Variants in EIF4G3 observed in about 807,000 individuals in gnomAD.
The protein encoded by EIF4G3 is eukaryotic translation initiation factor 4 gamma 3.
A neutral mutation model predicts 186.4 loss-of-function variants in EIF4G3; 34 were observed. The observed-to-expected ratio is 0.18, with a 90% confidence interval of 0.14 to 0.24. The LOEUF (loss-of-function observed/expected upper bound fraction) is 0.24. Ranked by LOEUF, EIF4G3 falls within the 10% of genes least tolerant of loss-of-function variation. EIF4G3 has a pLI of 1.00. For synonymous variants in EIF4G3, 673 were observed against 679.5 expected, an observed-to-expected ratio of 0.99 and a Z score of 0.15; for missense variants, 1,536 against 1,948.5, an observed-to-expected ratio of 0.79 and a Z score of 3.99.
intron 3 of EIF4G3, among the ~76,000 whole-genome samples, chr1:21,057,942 A>T (rs2094643806): frequency 6.6e-6 from 1 of 152,196 alleles, no homozygotes; most frequent in Non-Finnish European, 1.5e-5. Flanking sequence ...GTTGGTGACC[A>T]ATATTAACTT....
intron 2 of EIF4G3, among the ~76,000 whole-genome samples, chr1:21,135,829 C>T (rs1030263283): frequency 6.6e-6 from 1 of 152,192 alleles, no homozygotes; most frequent in Non-Finnish European, 1.5e-5. Context: ...AGAAAGACTT[C>T]TAATAATAAG....
intron 14 of EIF4G3, among the ~76,000 whole-genome samples, chr1:20,924,548 T>C (rs188164006): frequency 6.6e-6 from 1 of 152,186 alleles, no homozygotes; most frequent in Non-Finnish European, 1.5e-5. Flanking sequence ...AGATAAATCA[T>C]GAGAGAATTG....
chr1:21,048,941 TAC>T (rs2094053328), intron 4 of EIF4G3, among the ~76,000 whole-genome samples: 1 of 152,204 alleles, frequency 6.6e-6, no homozygotes, highest in African/African-American at 2.4e-5. Flanking sequence ...CTTAACCGAC[TAC>T]AGAGTCACCT....
At chr1:21,122,895 A>C (rs543569817) in intron 2 of EIF4G3, among the ~76,000 whole-genome samples, 1 of 152,322 alleles carries the variant, frequency 6.6e-6, no homozygotes, top group Non-Finnish European at 1.5e-5. Flanking sequence ...GACAGGAATC[A>C]TGATGTCTAC....
rs753295609 is a variant in EIF4G3 at position 20,851,437 on chromosome 1, G to A, written c.3593C>T (p.Pro1198Leu). 6.2e-7 allele frequency: 1 copy of A among 1,614,104 alleles called. No homozygotes were observed. The highest frequency in any genetic ancestry group is 8.5e-7 in the Non-Finnish European group (1 of 1,180,032). The change falls in exon 28 of 37, where the codon CCA becomes CTA. Residue 1198 changes from proline to leucine, a missense_variant. Coordinates refer to ENST00000602326, the MANE Select transcript of EIF4G3 (RefSeq NM_001391906.1). ...MGREKNDKPL[P>L]SATARPNTFM... ...AGTATTTGGCCGAGCTGTTGCAGATGGAAGGGGCTTGTCATTCTTCTCCCT... is the reference window on the plus strand; with the variant it reads ...AGTATTTGGCCGAGCTGTTGCAGATAGAAGGGGCTTGTCATTCTTCTCCCT...
intron 4 of EIF4G3, among the ~76,000 whole-genome samples, chr1:21,032,974 T>C (rs1449519644): frequency 3.3e-5 from 5 of 152,180 alleles, no homozygotes; most frequent in African/African-American, 1.2e-4. Flanking sequence ...TCAAAGAAAC[T>C]AGTAACAGAT....
intron 14 of EIF4G3, among the ~76,000 whole-genome samples, chr1:20,920,968 A>G (rs375222389): frequency 2.0e-5 from 3 of 152,186 alleles, no homozygotes; most frequent in Non-Finnish European, 2.9e-5. Context: ...TTGCTCCTCC[A>G]AACAACATAA....
chr1:20,883,985 T>C (rs1044852086), intron 19 of EIF4G3, among the ~76,000 whole-genome samples: 13 of 152,238 alleles, frequency 8.5e-5, no homozygotes, highest in African/African-American at 3.1e-4. Context: ...AGCCCAGACA[T>C]GTCCTGAGGC....
At chr1:21,026,530 A>G (rs1047170929) in intron 4 of EIF4G3, among the ~76,000 whole-genome samples, 1 of 152,174 alleles carries the variant, frequency 6.6e-6, no homozygotes, top group Non-Finnish European at 1.5e-5. Context: ...AAAAAAAAAA[A>G]AAAGTAGACA....
Position 20,981,042 on chromosome 1 carries a change from C to T in EIF4G3, c.378+6G>A, listed in dbSNP as rs1413810375. On this transcript the variant is annotated splice_donor_region_variant and intron_variant, in intron 9 of 36. Transcript: ENST00000602326. The stretch of plus-strand genomic sequence containing the variant: ...CTGGACCACCTAGGCCTCAAAGATA[C>T]TTTACCTGTGGTATACAGTACTGAG... The T allele has an allele frequency of 1.3e-6, 2 of 1,538,842 alleles. No homozygotes were observed. The highest frequency in any genetic ancestry group is 1.8e-6 in the Non-Finnish European group (2 of 1,135,784).
rs1421543876 is a variant in EIF4G3 at position 20,872,809 on chromosome 1, CCCTGCCTCAAGCAATTCT to C, written c.2622+6496_2622+6513del. On this transcript the variant is annotated intron_variant, in intron 20 of 36. Transcript: ENST00000602326. Reference sequence around the variant, plus strand: ...TCTCAGCTCACTGCAACCTCAACCTCCCTGCCTCAAGCAATTCTCCTGCCTCAAGCAATTCTCCTGCCT... The same window carrying C: ...TCTCAGCTCACTGCAACCTCAACCTCCCTGCCTCAAGCAATTCTCCTGCCT... Among the ~76,000 whole-genome samples, 43 of 150,340 alleles carry C rather than the reference CCCTGCCTCAAGCAATTCT, an allele frequency of 2.9e-4. No homozygotes were observed. In the East Asian group the frequency reaches 3.1e-3, roughly 11 times the overall value.
At position 20,989,042 on chromosome 1, in the gene EIF4G3, A is replaced by AGAGAG. The variant is rs1558588533; in HGVS notation, c.178-6639_178-6635dup. On this transcript the variant is annotated intron_variant, in intron 7 of 36. Transcript: ENST00000602326. ...ATCGTGAGACCCTATTCCCCCAAAA[A>AGAGAG]GAGAGGAGAGGAGAGGAGGGGAGGG... is the stretch of plus-strand genomic sequence containing the variant. 9.5e-4 allele frequency among the ~76,000 whole-genome samples: 36 copies of AGAGAG among 37,906 alleles called. 1 individual carries two copies. The highest frequency in any genetic ancestry group is 2.6e-3 in the African/African-American group (23 of 8,806). 24.9% of individuals were successfully genotyped at this position (37,906 alleles called of 152,430 possible).
At chr1:20,895,804 T>C (rs1474546993) in intron 16 of EIF4G3, among the ~76,000 whole-genome samples, 2 of 152,232 alleles carry the variant, frequency 1.3e-5, no homozygotes, top group Non-Finnish European at 2.9e-5. Flanking sequence ...TATTTCATAG[T>C]AACAAGAAAT....
At chr1:21,145,188 T>C (rs2097416969) in intron 2 of EIF4G3, among the ~76,000 whole-genome samples, 1 of 152,120 alleles carries the variant, frequency 6.6e-6, no homozygotes, top group Non-Finnish European at 1.5e-5. Context: ...GCTCATGTAA[T>C]CCTCAGTACA....
intron 13 of EIF4G3, among the ~76,000 whole-genome samples, chr1:20,945,833 T>C (rs944166408): frequency 2.6e-5 from 4 of 152,158 alleles, no homozygotes; most frequent in Admixed American, 6.6e-5. Flanking sequence ...CAAAACTCTA[T>C]GTAGAACCCA....
At chr1:21,054,009 C>A (rs939877648) in intron 3 of EIF4G3, among the ~76,000 whole-genome samples, 2 of 151,844 alleles carry the variant, frequency 1.3e-5, no homozygotes, top group Non-Finnish European at 2.9e-5. Flanking sequence ...ATGACAATGG[C>A]GGTTTTGTGG....
chr1:20,927,998 C>A (rs2095041251), intron 14 of EIF4G3, among the ~76,000 whole-genome samples: 1 of 151,984 alleles, frequency 6.6e-6, no homozygotes, highest in Non-Finnish European at 1.5e-5. Context: ...GCTGGGACTA[C>A]AAGCACACAC....
chr1:21,037,047 T>C (rs1294559212), intron 4 of EIF4G3, among the ~76,000 whole-genome samples: 1 of 152,108 alleles, frequency 6.6e-6, no homozygotes, highest in East Asian at 1.9e-4. Flanking sequence ...AAAAGACTTT[T>C]CCAGCTTAGC....
chr1:21,041,170 A>G (rs1571527463), intron 4 of EIF4G3, among the ~76,000 whole-genome samples: 1 of 152,276 alleles, frequency 6.6e-6, no homozygotes, highest in East Asian at 1.9e-4. Flanking sequence ...TTTACTTTGT[A>G]TTTCCCCTTT....
Sources: allele counts gnomAD v4.1 joint callset (sites outside exome capture counted in the v4.1 genomes callset), GRCh38; gene constraint gnomAD v4.1.1; transcripts MANE v1.5; gene names NCBI Gene and HGNC (gene_info 2026-07-23, HGNC 2026-07-21).